Variants in CSMD1 observed in about 807,000 individuals in gnomAD.
CSMD1 encodes CUB and Sushi multiple domains 1, also known as CUB and sushi domain-containing protein 1.
In CSMD1, 213 loss-of-function variants were observed where a neutral mutation model predicts 417.5. The observed-to-expected ratio is 0.51, with a 90% CI of 0.46 to 0.57. The LOEUF is 0.57. Among genes scored for constraint, CSMD1 ranks in the 20% least tolerant of loss-of-function variants. The pLI is 0.00. For missense variants in CSMD1, 6,923 were observed against 4,529.7 expected (o/e 1.53, Z -15.17); for synonymous variants, 2,862 against 1,736.8 (o/e 1.65, Z -16.11).
intron 2 of CSMD1, among the ~76,000 whole-genome samples, chr8:4,500,090 G>C (rs570290994): frequency 5.7e-5 from 3 of 52,456 alleles, no homozygotes; most frequent in African/African-American, 1.9e-4. Context: ...AGTTATACTA[G>C]GTGAAAAGGT....
intron 5 of CSMD1, among the ~76,000 whole-genome samples, chr8:3,829,433 G>A (rs1051083763): frequency 1.3e-5 from 2 of 152,086 alleles, no homozygotes; most frequent in Non-Finnish European, 2.9e-5. Context: ...GTCAATACCG[G>A]TTCCACATGA....
intron 5 of CSMD1, among the ~76,000 whole-genome samples, chr8:3,837,672 G>A (rs772024258): frequency 6.6e-6 from 1 of 152,124 alleles, no homozygotes; most frequent in Non-Finnish European, 1.5e-5. Context: ...TAGGCACAGG[G>A]ATGTCTGCTC....
At chr8:3,929,286 G>T (rs903438777) in intron 5 of CSMD1, among the ~76,000 whole-genome samples, 1 of 150,374 alleles carries the variant, frequency 6.7e-6, no homozygotes, top group Admixed American at 6.6e-5. Context: ...TTCCCTCAAT[G>T]AGAAACTCAA....
chr8:4,377,978 G>A (rs1802863083), intron 3 of CSMD1, among the ~76,000 whole-genome samples: 1 of 152,266 alleles, frequency 6.6e-6, no homozygotes, highest in Admixed American at 6.5e-5. Flanking sequence ...GAATTGTAGT[G>A]CTGTCAACAA....
At chr8:3,433,971 C>A (rs966455082) in intron 12 of CSMD1, among the ~76,000 whole-genome samples, 3 of 152,220 alleles carry the variant, frequency 2.0e-5, no homozygotes, top group Non-Finnish European at 2.9e-5. Context: ...CTCTGGAAGT[C>A]TAACGATTTC....
At chr8:3,884,343 T>A (rs746523669) in intron 5 of CSMD1, among the ~76,000 whole-genome samples, 6 of 152,176 alleles carry the variant, frequency 3.9e-5, no homozygotes, top group Non-Finnish European at 8.8e-5. Flanking sequence ...CATAAAGTAA[T>A]CAACTGATTC....
intron 50 of CSMD1, among the ~76,000 whole-genome samples, chr8:3,038,004 C>T (rs898046239): frequency 3.9e-5 from 6 of 152,148 alleles, no homozygotes; most frequent in Non-Finnish European, 7.4e-5. Context: ...TTCAGAAAAT[C>T]GGGCATCTAT....
intron 26 of CSMD1, among the ~76,000 whole-genome samples, chr8:3,281,993 A>G (rs1802776829): frequency 6.6e-6 from 1 of 152,106 alleles, no homozygotes; most frequent in Admixed American, 6.6e-5. Flanking sequence ...GTCGTGGAAG[A>G]TGTGACTGCT....
At chr8:4,102,966 C>T (rs999609445) in intron 3 of CSMD1, among the ~76,000 whole-genome samples, 1 of 152,152 alleles carries the variant, frequency 6.6e-6, no homozygotes, top group Non-Finnish European at 1.5e-5. Context: ...ATAACTTTAA[C>T]ACGTGCAGAG....
intron 8 of CSMD1, among the ~76,000 whole-genome samples, chr8:3,609,456 T>C (rs114001001): frequency 8.2e-4 from 125 of 152,368 alleles, no homozygotes; most frequent in African/African-American, 2.8e-3. Context: ...GCAAGCTTTG[T>C]ATTTTATGCT....
At chr8:3,653,616 G>C (rs544996384) in intron 7 of CSMD1, among the ~76,000 whole-genome samples, 1 of 152,062 alleles carries the variant, frequency 6.6e-6, no homozygotes, top group Admixed American at 6.6e-5. Context: ...GCCAGTTATG[G>C]GGATTCTAAA....
intron 2 of CSMD1, among the ~76,000 whole-genome samples, chr8:4,431,769 G>A (rs1398107257): frequency 6.6e-6 from 1 of 151,914 alleles, no homozygotes; most frequent in Non-Finnish European, 1.5e-5. Flanking sequence ...TCAGTAACCT[G>A]GCATGTATTA....
chr8:3,130,648 G>C (rs892751870), intron 41 of CSMD1, among the ~76,000 whole-genome samples: 2 of 151,768 alleles, frequency 1.3e-5, no homozygotes, highest in South Asian at 4.2e-4. Context: ...TCAACTCATC[G>C]GGCTTCTCTC....
At chr8:4,309,295 T>C (rs1044005646) in intron 3 of CSMD1, among the ~76,000 whole-genome samples, 1 of 152,140 alleles carries the variant, frequency 6.6e-6, no homozygotes, top group Admixed American at 6.6e-5. Flanking sequence ...ACAATATAAT[T>C]GCACTGTCTA....
chr8:3,870,889 G>C (rs192879481), intron 5 of CSMD1, among the ~76,000 whole-genome samples: 1 of 151,774 alleles, frequency 6.6e-6, no homozygotes, highest in Admixed American at 6.6e-5. Context: ...TTAATGTTCC[G>C]TTTGCTAGCT....
chr8:3,711,807 G>C (rs1016566605), intron 6 of CSMD1, among the ~76,000 whole-genome samples: 9 of 152,156 alleles, frequency 5.9e-5, no homozygotes, highest in African/African-American at 2.2e-4. Flanking sequence ...GAGAGGAGAT[G>C]AATGCACAAT....
chr8:3,400,332 T>C (rs556313487), intron 15 of CSMD1, among the ~76,000 whole-genome samples: 3 of 152,292 alleles, frequency 2.0e-5, no homozygotes, highest in East Asian at 3.9e-4. Flanking sequence ...GATTTATAGA[T>C]ATCAAATAAA....
chr8:4,832,542 G>C (rs566096424), intron 1 of CSMD1, among the ~76,000 whole-genome samples: 2 of 152,266 alleles, frequency 1.3e-5, no homozygotes, highest in East Asian at 3.9e-4. Flanking sequence ...GAGGCATGAG[G>C]TATGCAAGGT....
chr8:4,886,639 G>C (rs578105153), intron 1 of CSMD1, among the ~76,000 whole-genome samples: 1 of 152,078 alleles, frequency 6.6e-6, no homozygotes, highest in East Asian at 1.9e-4. Context: ...TTTCCATTGT[G>C]AGTAGATATT....
Sources: allele counts gnomAD v4.1 joint callset (sites outside exome capture counted in the v4.1 genomes callset), GRCh38; gene constraint gnomAD v4.1.1; transcripts MANE v1.5; gene names NCBI Gene and HGNC (gene_info 2026-07-23, HGNC 2026-07-21).